The following FAM222A variants were observed in gnomAD, a reference collection of about 807,000 sequenced individuals.
FAM222A encodes the protein protein FAM222A.
Under a neutral mutation model 25.8 loss-of-function variants are expected in FAM222A, and 7 were observed. That is an observed-to-expected ratio of 0.27 (90% CI 0.15 to 0.51). FAM222A has a LOEUF of 0.51. Ranked by LOEUF, FAM222A falls within the 20% of genes least tolerant of loss-of-function variation. FAM222A has a pLI of 0.97. For synonymous variants in FAM222A, 294 were observed against 298.8 expected, an observed-to-expected ratio of 0.98 and a Z score of 0.17; for missense variants, 573 against 640.5, an observed-to-expected ratio of 0.89 and a Z score of 1.14.
chr12:109,741,827 G>A (rs1180383241), intron 1 of FAM222A, among the ~76,000 whole-genome samples: 1 of 152,182 alleles, frequency 6.6e-6, no homozygotes, highest in Admixed American at 6.5e-5. Flanking sequence ...TTTCCACAGG[G>A]CACCAGCCTC....
intron 2 of FAM222A, among the ~76,000 whole-genome samples, chr12:109,767,349 G>A (rs1318187596): frequency 2.0e-5 from 3 of 151,982 alleles, no homozygotes; most frequent in Non-Finnish European, 4.4e-5. Context: ...CCAACGTGGC[G>A]CAACCCCGTC....
At chr12:109,744,489 G>T in intron 2 of FAM222A, 2 of 985,272 alleles carry the variant, frequency 2.0e-6, no homozygotes, top group Non-Finnish European at 2.4e-6. Flanking sequence ...CACCACCATC[G>T]CCATGCCCCA....
intron 1 of FAM222A, among the ~76,000 whole-genome samples, chr12:109,740,300 T>G (rs1322281693): frequency 6.6e-6 from 1 of 152,156 alleles, no homozygotes; most frequent in African/African-American, 2.4e-5. Context: ...AGATAAGGCG[T>G]CTTATCAGCC....
At chr12:109,733,928 G>A (rs1004562642) in intron 1 of FAM222A, among the ~76,000 whole-genome samples, 40 of 152,234 alleles carry the variant, frequency 2.6e-4, no homozygotes, top group African/African-American at 8.9e-4. Context: ...GAAAAGCCAC[G>A]GAAGACTGGC....
At chr12:109,721,531 G>A (rs1381741177) in intron 1 of FAM222A, among the ~76,000 whole-genome samples, 1 of 152,192 alleles carries the variant, frequency 6.6e-6, no homozygotes, top group Non-Finnish European at 1.5e-5. Flanking sequence ...CCAGGGCTCT[G>A]GGCAGGCAGC....
chr12:109,742,640 G>C (rs545549858), intron 1 of FAM222A, among the ~76,000 whole-genome samples: 117 of 144,780 alleles, frequency 8.1e-4, no homozygotes, highest in Non-Finnish European at 1.4e-3. Context: ...GACAGTAATA[G>C]GAGAAAATTG....
intron 1 of FAM222A, among the ~76,000 whole-genome samples, chr12:109,718,016 G>A (rs111703960): frequency 0.013 from 1,980 of 152,254 alleles, 48 homozygotes; most frequent in African/African-American, 0.045. Context: ...GTGTGACCTC[G>A]GGTGAGTACC....
chr12:109,750,327 T>C (rs1003959074), intron 2 of FAM222A, among the ~76,000 whole-genome samples: 1 of 152,246 alleles, frequency 6.6e-6, no homozygotes, highest in Admixed American at 6.5e-5. Context: ...AACTCTATTG[T>C]CTAACATCAA....
chr12:109,736,278 C>T (rs530502063), intron 1 of FAM222A, among the ~76,000 whole-genome samples: 2 of 152,342 alleles, frequency 1.3e-5, no homozygotes, highest in South Asian at 4.1e-4. Flanking sequence ...TTCCCTTCCC[C>T]TAGCTTTTTC....
At chr12:109,764,189 C>T (rs2136383780) in intron 2 of FAM222A, among the ~76,000 whole-genome samples, 1 of 132,236 alleles carries the variant, frequency 7.6e-6, no homozygotes, top group South Asian at 2.4e-4. Flanking sequence ...ACGACTGTGC[C>T]ACTGCATTCT....
chr12:109,730,458 A>C (rs1887926821), intron 1 of FAM222A, among the ~76,000 whole-genome samples: 1 of 151,162 alleles, frequency 6.6e-6, no homozygotes, highest in Non-Finnish European at 1.5e-5. Flanking sequence ...CACAAGGCCC[A>C]CCTCATCAGA....
At chr12:109,737,374 C>T (rs1212003843) in intron 1 of FAM222A, among the ~76,000 whole-genome samples, 2 of 151,998 alleles carry the variant, frequency 1.3e-5, no homozygotes, top group African/African-American at 2.4e-5. Flanking sequence ...AGTGCCCAGC[C>T]CAGAACCAGG....
At chr12:109,762,839 A>G (rs1037343294) in intron 2 of FAM222A, among the ~76,000 whole-genome samples, 2 of 152,232 alleles carry the variant, frequency 1.3e-5, no homozygotes, top group Admixed American at 6.5e-5. Context: ...TCCAGGGGCC[A>G]CCGGAGCACT....
chr12:109,759,170 C>T (rs1441434246), intron 2 of FAM222A, among the ~76,000 whole-genome samples: 1 of 152,202 alleles, frequency 6.6e-6, no homozygotes, highest in Non-Finnish European at 1.5e-5. Flanking sequence ...GACTGCCACT[C>T]CCAGCTCCTT....
intron 2 of FAM222A, among the ~76,000 whole-genome samples, chr12:109,759,408 G>T (rs961621710): frequency 7.2e-5 from 11 of 152,056 alleles, no homozygotes; most frequent in Non-Finnish European, 4.4e-5. Flanking sequence ...GGTCCCTCTG[G>T]CACATCCCCA....
chr12:109,715,297 A>G (rs1276140102), intron 1 of FAM222A, among the ~76,000 whole-genome samples: 1 of 152,174 alleles, frequency 6.6e-6, no homozygotes, highest in Admixed American at 6.5e-5. Context: ...AAGGGAAATC[A>G]CCTCAGAGGG....
chr12:109,731,503 C>G (rs2136325609), intron 1 of FAM222A, among the ~76,000 whole-genome samples: 1 of 152,328 alleles, frequency 6.6e-6, no homozygotes, highest in Non-Finnish European at 1.5e-5. Context: ...TATTCACACT[C>G]AAGAGAAGGG....
intron 1 of FAM222A, among the ~76,000 whole-genome samples, chr12:109,716,028 G>A (rs1015892601): frequency 6.6e-6 from 1 of 152,212 alleles, no homozygotes; most frequent in Non-Finnish European, 1.5e-5. Context: ...TGGAACTCCT[G>A]ATTGCCCCCT....
chr12:109,767,614 A>C (rs886172139), intron 2 of FAM222A, among the ~76,000 whole-genome samples: 1 of 152,198 alleles, frequency 6.6e-6, no homozygotes, highest in Non-Finnish European at 1.5e-5. Flanking sequence ...CATAGTATGA[A>C]GTGACAGAAG....
Sources: allele counts gnomAD v4.1 joint callset (sites outside exome capture counted in the v4.1 genomes callset), GRCh38; gene constraint gnomAD v4.1.1; transcripts MANE v1.5; gene names NCBI Gene and HGNC (gene_info 2026-07-23, HGNC 2026-07-21).